POLR3A: variants seen among roughly 807,000 people sequenced by gnomAD.
The protein encoded by POLR3A is DNA-directed RNA polymerase III subunit RPC1.
Under a neutral mutation model 152.8 loss-of-function variants are expected in POLR3A, and 112 were observed. The observed-to-expected ratio is 0.73, with a 90% CI of 0.63 to 0.86. The LOEUF is 0.86. POLR3A is among the 40% of genes least tolerant of loss of function. The probability of loss-of-function intolerance (pLI) is 0.00; values close to 1 mark genes in which losing one functional copy is unlikely to be tolerated. For synonymous variants in POLR3A, 615 were observed against 652.1 expected, an observed-to-expected ratio of 0.94 and a Z score of 0.87; for missense variants, 1,385 against 1,743.1, an observed-to-expected ratio of 0.79 and a Z score of 3.66.
rs146899211 is a variant in POLR3A at position 78,000,074 on chromosome 10, A to G, written c.2523T>C (p.Gly841=). Residue 841 remains glycine, a synonymous_variant, in exon 19 of 31, where the codon GGT becomes GGC. Transcript: ENST00000372371. ...KGFVANSFYS[G]LTPTEFFFHT... ...GGAAGAAAAACTCAGTTGGTGTCAA[A>G]CCGGAATAAAAGCTATTAGCCACAA... 11 of 1,614,116 alleles carry G rather than the reference A, an allele frequency of 6.8e-6. No individual in the cohort carries two copies. The highest frequency in any genetic ancestry group is 2.2e-5 in the South Asian group (2 of 91,078).
intron 18 of POLR3A, 118 bp downstream of exon 18, chr10:78,000,858 T>C (rs1847350139): frequency 1.5e-6 from 1 of 684,486 alleles, no homozygotes; most frequent in Non-Finnish European, 2.7e-6. Flanking sequence ...AAAAAATACA[T>C]ATATAAAACT....
intron 19 of POLR3A, among the ~76,000 whole-genome samples, chr10:77,995,603 A>G (rs1460200850): frequency 2.0e-5 from 3 of 152,124 alleles, no homozygotes; most frequent in African/African-American, 7.2e-5. Flanking sequence ...TTCAACAAGA[A>G]GAGCTAACTA....
intron 14 of POLR3A, among the ~76,000 whole-genome samples, chr10:78,008,243 C>T (rs937908122): frequency 6.6e-6 from 1 of 152,082 alleles, no homozygotes; most frequent in Non-Finnish European, 1.5e-5. Flanking sequence ...ATTTGTTACT[C>T]ATATAAGATA....
chr10:78,015,314 T>C (rs1256855870), intron 10 of POLR3A, among the ~76,000 whole-genome samples: 4 of 152,094 alleles, frequency 2.6e-5, no homozygotes, highest in African/African-American at 9.7e-5. Flanking sequence ...TCTACTTTAG[T>C]GTACATTTGA....
At chr10:77,996,941 G>A (rs1847307869) in intron 19 of POLR3A, among the ~76,000 whole-genome samples, 1 of 152,126 alleles carries the variant, frequency 6.6e-6, no homozygotes, top group Admixed American at 6.6e-5. Flanking sequence ...GAATCCAGCA[G>A]CACATCAAAA....
At chr10:78,014,296 G>A (rs1322805795) in intron 10 of POLR3A, among the ~76,000 whole-genome samples, 1 of 152,122 alleles carries the variant, frequency 6.6e-6, no homozygotes, top group Admixed American at 6.6e-5. Flanking sequence ...AAGATTAACA[G>A]CAGAAGTTGA....
At chr10:78,009,115 T>A (rs1283807612) in intron 14 of POLR3A, among the ~76,000 whole-genome samples, 1 of 129,114 alleles carries the variant, frequency 7.7e-6, no homozygotes, top group Admixed American at 9.8e-5. Flanking sequence ...ACTGCACCAC[T>A]GCACTCCAGC....
intron 27 of POLR3A, 143 bp downstream of exon 27, chr10:77,982,510 G>A: frequency 3.4e-6 from 3 of 891,238 alleles, no homozygotes; most frequent in Non-Finnish European, 5.5e-6. Context: ...GAACAGAGAG[G>A]AATCTAACAG....
chr10:78,015,851 C>T (rs1035600661), intron 10 of POLR3A, among the ~76,000 whole-genome samples: 3 of 152,084 alleles, frequency 2.0e-5, no homozygotes, highest in Admixed American at 6.6e-5. Flanking sequence ...TTGTAATGTT[C>T]CAAAGCCAAG....
In POLR3A at chr10:77,980,154, C is replaced by T; in HGVS notation, c.4011G>A (p.Lys1337=). The change falls in exon 30 of 31, where the codon AAG becomes AAA. Residue 1337 remains lysine (K), a synonymous_variant. Transcript: ENST00000372371. ...CATCAAACCTACCACACACAGAGTC[C>T]TTCTGCCCGAAGTAGGCAGCGTCAA... is the stretch of plus-strand genomic sequence containing the variant. ...HLFDAAYFGQ[K]DSVCGVSECI... 6.2e-7 allele frequency: 1 copy of T among 1,614,034 alleles called. No individual in the cohort carries two copies. The highest frequency in any genetic ancestry group is 8.5e-7 in the Non-Finnish European group (1 of 1,179,914).
In POLR3A at chr10:78,027,061, A is replaced by G. The variant is rs1003207761; in HGVS notation, c.45-832T>C. Among the ~76,000 whole-genome samples, 3 of 152,190 alleles carry G rather than the reference A, an allele frequency of 2.0e-5. No homozygotes were observed. In the East Asian group the frequency reaches 5.8e-4, roughly 29 times the overall value. ...AGGGTGGGAAAGACAGACCACAAAC[A>G]AACGAATATACAAATGTGAACAGAT... On this transcript the variant is annotated intron_variant, in intron 1 of 30. Coordinates refer to ENST00000372371, the MANE Select transcript of POLR3A (RefSeq NM_007055.4).
intron 11 of POLR3A, 38 bp from the exon 12 acceptor site, chr10:78,010,578 G>T (rs563249132): frequency 6.9e-7 from 1 of 1,449,770 alleles, no homozygotes; most frequent in Non-Finnish European, 9.7e-7. Context: ...AGCTGTTCTC[G>T]GATGCATGAT....
chr10:77,982,998 A>G (rs1847163227), intron 26 of POLR3A, among the ~76,000 whole-genome samples, 181 bp from the exon 27 acceptor site: 1 of 152,194 alleles, frequency 6.6e-6, no homozygotes, highest in Admixed American at 6.5e-5. Flanking sequence ...ATATATATCT[A>G]TGCTTTATTC....
At chr10:78,010,067 ATAAAT>A in intron 12 of POLR3A, 76 bp from the exon 13 acceptor site, 1 of 1,570,006 alleles carries the variant, frequency 6.4e-7, no homozygotes, top group Non-Finnish European at 8.7e-7. Flanking sequence ...CAATTTTAAA[ATAAAT>A]TTGAACCATG....
Position 77,984,443 on chromosome 10 carries a change from A to C in POLR3A, c.3243-145T>G, listed in dbSNP as rs1424131291. 5.9e-6 allele frequency: 4 copies of C among 682,908 alleles called. No homozygotes were observed. In the Admixed American group the frequency reaches 6.1e-5, roughly 10 times the overall value. 42.3% of individuals were successfully genotyped at this position (682,908 alleles called of 1,614,324 possible). On this transcript the variant is annotated intron_variant, in intron 24 of 30. Coordinates refer to ENST00000372371, the MANE Select transcript of POLR3A (RefSeq NM_007055.4). ...TGAGCAAGCTCTGCCTCCCAGGTTCATGCCATTCTCCTGCCTCAGCCTCTG... is the reference window on the plus strand; with the variant it reads ...TGAGCAAGCTCTGCCTCCCAGGTTCCTGCCATTCTCCTGCCTCAGCCTCTG...
At chr10:78,012,376 C>CAAAA (rs1222192948) in intron 11 of POLR3A, among the ~76,000 whole-genome samples, 170 of 116,338 alleles carry the variant, frequency 1.5e-3, no homozygotes, top group Middle Eastern at 9.2e-3. Context: ...AACAAACAAA[C>CAAAA]AAAAAAAAAA....
rs1250421316 is a variant in POLR3A at position 78,013,722 on chromosome 10, A to C, written c.1500T>G (p.Phe500Leu). 1 of 1,614,158 alleles carries C rather than the reference A, an allele frequency of 6.2e-7. No homozygotes were observed. The highest frequency in any genetic ancestry group is 1.1e-5 in the South Asian group (1 of 91,084). ...ECVCTPYNADFDGDEMNLHLP... is the reference protein window; with the variant it reads ...ECVCTPYNADLDGDEMNLHLP... ...GATGAAGGTTCATTTCATCACCATC[A>C]AAGTCAGCATTATAGGGTGTACAGA... The change falls in exon 11 of 31, where the codon TTT becomes TTG. Residue 500 changes from phenylalanine (F) to leucine (L), a missense_variant. Phe to Leu is a conservative substitution (Grantham distance 22, BLOSUM62 0). This residue lies in a region of POLR3A where 493 missense variants were observed against 647.5 expected (regional missense o/e 0.76). Coordinates refer to ENST00000372371, the MANE Select transcript of POLR3A (RefSeq NM_007055.4).
rs1847588330 is a variant in POLR3A at position 78,022,346 on chromosome 10, T to C, written c.684A>G (p.Lys228=). ...LNPLVVLNLF[K]RIPAEDVPLL... is the part of the protein sequence containing the mutation. ...GAGGAACATCTTCAGCTGGGATTCG[T>C]TTAAATAAATTCAGAACTACTAAGG... is the stretch of plus-strand genomic sequence containing the variant. The change falls in exon 6 of 31, where the codon AAA becomes AAG. Residue 228 remains lysine (K), a synonymous_variant. Transcript: ENST00000372371. 2 of 1,613,902 alleles carry C rather than the reference T, an allele frequency of 1.2e-6. No homozygotes were observed. The highest frequency in any genetic ancestry group is 1.7e-6 in the Non-Finnish European group (2 of 1,179,958).
At chr10:77,989,811 T>G (rs909251245) in intron 21 of POLR3A, among the ~76,000 whole-genome samples, 4 of 151,748 alleles carry the variant, frequency 2.6e-5, no homozygotes, top group Non-Finnish European at 4.4e-5. Flanking sequence ...AACATGAGCG[T>G]GAAGAAAAAC....
Sources: gnomAD v4.1 joint callset for allele counts (sites outside exome capture counted in the v4.1 genomes callset) on GRCh38, gnomAD v4.1.1 for gene constraint, gnomAD v4.1.1 regional missense constraint, MANE v1.5 for transcripts, NCBI Gene and HGNC (gene_info 2026-07-23, HGNC 2026-07-21) for gene names.